Variants in CNTN5 observed in about 807,000 individuals in gnomAD.
CNTN5 encodes contactin 5, also known as contactin-5.
In CNTN5, 77 loss-of-function variants were observed where a neutral mutation model predicts 129.1. That is an observed-to-expected ratio of 0.60 (90% CI 0.50 to 0.72). The LOEUF (loss-of-function observed/expected upper bound fraction) is 0.72, where lower values mean the gene tolerates loss of function less well. Among genes scored for constraint, CNTN5 ranks in the 30% least tolerant of loss-of-function variants. The pLI is 0.00. For missense variants in CNTN5, 1,478 were observed against 1,328.8 expected (o/e 1.11, Z -1.75); for synonymous variants, 509 against 465.6 (o/e 1.09, Z -1.20).
At chr11:100,206,636 A>T (rs1257112494) in intron 15 of CNTN5, among the ~76,000 whole-genome samples, 2 of 152,094 alleles carry the variant, frequency 1.3e-5, no homozygotes, top group Non-Finnish European at 2.9e-5. Flanking sequence ...GGTCATTGAG[A>T]TAATTCCCTG....
chr11:99,749,744 T>C (rs1181775873), intron 3 of CNTN5, among the ~76,000 whole-genome samples: 1 of 152,242 alleles, frequency 6.6e-6, no homozygotes, highest in Non-Finnish European at 1.5e-5. Context: ...TACTATATTT[T>C]CATCTAGCAC....
chr11:99,611,858 G>T (rs370048656), intron 3 of CNTN5, among the ~76,000 whole-genome samples: 3 of 152,132 alleles, frequency 2.0e-5, no homozygotes, highest in Non-Finnish European at 2.9e-5. Flanking sequence ...TTTAAGAAAG[G>T]TCTTTGAGAA....
At chr11:100,162,581 C>A (rs1325173479) in intron 13 of CNTN5, among the ~76,000 whole-genome samples, 1 of 151,754 alleles carries the variant, frequency 6.6e-6, no homozygotes, top group African/African-American at 2.4e-5. Context: ...TCTGCTTAAG[C>A]TATTGCTTTT....
At chr11:99,959,407 T>C (rs1236169402) in intron 8 of CNTN5, among the ~76,000 whole-genome samples, 1 of 152,204 alleles carries the variant, frequency 6.6e-6, no homozygotes. Context: ...AATTTAAATC[T>C]TAACTGCATC....
At chr11:99,990,248 AG>A (rs1228813250) in intron 8 of CNTN5, among the ~76,000 whole-genome samples, 4 of 152,176 alleles carry the variant, frequency 2.6e-5, no homozygotes, top group African/African-American at 9.7e-5. Flanking sequence ...GAACAGGATA[AG>A]AAAATAAGTC....
At chr11:99,218,147 T>C (rs1234749829) in intron 1 of CNTN5, among the ~76,000 whole-genome samples, 1 of 152,172 alleles carries the variant, frequency 6.6e-6, no homozygotes, top group Non-Finnish European at 1.5e-5. Flanking sequence ...TCTGTTCTCA[T>C]GTCACCTCGT....
chr11:100,174,570 A>C (rs150761129), intron 13 of CNTN5, among the ~76,000 whole-genome samples: 3 of 152,122 alleles, frequency 2.0e-5, no homozygotes, highest in Non-Finnish European at 2.9e-5. Flanking sequence ...GTGTAGCTCT[A>C]TATATATTAA....
chr11:99,331,379 A>G (rs1466434752), intron 2 of CNTN5, among the ~76,000 whole-genome samples: 1 of 152,144 alleles, frequency 6.6e-6, no homozygotes, highest in Non-Finnish European at 1.5e-5. Context: ...TAAAATAACT[A>G]TAGATAGATG....
intron 8 of CNTN5, among the ~76,000 whole-genome samples, chr11:99,994,100 G>T (rs894827576): frequency 1.3e-5 from 2 of 151,952 alleles, no homozygotes; most frequent in Non-Finnish European, 2.9e-5. Context: ...CTGTATCTGG[G>T]CAAAATTACC....
At chr11:99,864,584 G>A (rs186242618) in intron 6 of CNTN5, among the ~76,000 whole-genome samples, 3 of 152,102 alleles carry the variant, frequency 2.0e-5, no homozygotes, top group Non-Finnish European at 2.9e-5. Context: ...CTGATTCCTT[G>A]GATCTTCCTA....
intron 21 of CNTN5, among the ~76,000 whole-genome samples, chr11:100,338,417 A>C (rs542158138): frequency 6.6e-6 from 1 of 152,266 alleles, no homozygotes; most frequent in Admixed American, 6.5e-5. Context: ...GCTGAAAGAG[A>C]ATCTGGAAAA....
At chr11:99,294,171 G>T (rs539690013) in intron 1 of CNTN5, among the ~76,000 whole-genome samples, 1 of 152,104 alleles carries the variant, frequency 6.6e-6, no homozygotes, top group South Asian at 2.1e-4. Context: ...TTCATTGGTT[G>T]TACAGGAGCA....
chr11:99,074,941 A>T (rs535129704), intron 1 of CNTN5, among the ~76,000 whole-genome samples: 1 of 152,342 alleles, frequency 6.6e-6, no homozygotes, highest in South Asian at 2.1e-4. Flanking sequence ...AACATGCCGC[A>T]TTGAAAAATA....
chr11:100,295,500 G>GT (rs773425260), intron 18 of CNTN5, among the ~76,000 whole-genome samples: 39 of 150,860 alleles, frequency 2.6e-4, no homozygotes, highest in Non-Finnish European at 4.3e-4. Flanking sequence ...TTGGTAAATT[G>GT]TTTTTTTAAA....
chr11:100,120,625 T>C lies in CNTN5; in HGVS notation c.1580+46331T>C, dbSNP rs937203271. ...GAAAAAATAAGAATTTTAGAAACAGTTGAAACAAAGTGAAGACAAGGTTTA... is the reference window on the plus strand; with the variant it reads ...GAAAAAATAAGAATTTTAGAAACAGCTGAAACAAAGTGAAGACAAGGTTTA... On this transcript the variant is annotated intron_variant, in intron 13 of 24. Transcript: ENST00000524871. Among the ~76,000 whole-genome samples, 11 of 151,898 alleles carry C rather than the reference T, an allele frequency of 7.2e-5. No homozygotes were observed. In the South Asian group the frequency reaches 1.0e-3, roughly 14 times the overall value.
At chr11:99,617,792 A>G (rs1286714231) in intron 3 of CNTN5, among the ~76,000 whole-genome samples, 1 of 152,212 alleles carries the variant, frequency 6.6e-6, no homozygotes, top group East Asian at 1.9e-4. Context: ...ATGAGTCGGT[A>G]AAATGAATGT....
At position 99,920,908 on chromosome 11, in the gene CNTN5, G is replaced by C. The variant is rs546589317; in HGVS notation, c.673+4759G>C. Among the ~76,000 whole-genome samples, 20 of 152,154 alleles carry C rather than the reference G, an allele frequency of 1.3e-4. 1 individual carries two copies. Among genetic ancestry groups the C allele is most frequent in the Admixed American group, 1.2e-3 (18 of 15,258 alleles). Reference sequence around the variant, plus strand: ...ATAGAAGGTGGTATTTGGAGATGGGGCTTTTTTTTAGTTTTATATGAGGCC... The same window carrying C: ...ATAGAAGGTGGTATTTGGAGATGGGCCTTTTTTTTAGTTTTATATGAGGCC... On this transcript the variant is annotated intron_variant, in intron 7 of 24. Coordinates refer to ENST00000524871, the MANE Select transcript of CNTN5 (RefSeq NM_014361.4).
intron 16 of CNTN5, among the ~76,000 whole-genome samples, chr11:100,236,726 C>A (rs952901784): frequency 6.6e-6 from 1 of 152,062 alleles, no homozygotes; most frequent in African/African-American, 2.4e-5. Context: ...CAGCTATTCT[C>A]CCCCGAAGCT....
At chr11:99,814,436 A>G (rs1946519307) in intron 3 of CNTN5, among the ~76,000 whole-genome samples, 1 of 152,166 alleles carries the variant, frequency 6.6e-6, no homozygotes, top group South Asian at 2.1e-4. Context: ...AGGAAAATGA[A>G]GTAGTGTTTC....
Sources: allele counts gnomAD v4.1 joint callset (sites outside exome capture counted in the v4.1 genomes callset), GRCh38; gene constraint gnomAD v4.1.1; transcripts MANE v1.5; gene names NCBI Gene and HGNC (gene_info 2026-07-23, HGNC 2026-07-21).